NR1H4: variants seen among roughly 807,000 people sequenced by gnomAD.
NR1H4 encodes the protein nuclear receptor subfamily 1 group H member 4, also known as bile acid receptor.
Under a neutral mutation model 58.5 loss-of-function variants are expected in NR1H4, and 23 were observed. That is an observed-to-expected ratio of 0.39 (90% CI 0.28 to 0.56). The LOEUF (loss-of-function observed/expected upper bound fraction) is 0.56. Ranked by LOEUF, NR1H4 falls within the 20% of genes least tolerant of loss-of-function variation. The pLI is 0.58. For missense variants in NR1H4, 487 were observed against 576.9 expected (o/e 0.84, Z 1.60); for synonymous variants, 214 against 198.0 (o/e 1.08, Z -0.68).
chr12:100,518,788 CTTTTT>C (rs34055370), intron 4 of NR1H4, among the ~76,000 whole-genome samples: 328 of 119,260 alleles, frequency 2.8e-3, no homozygotes, highest in African/African-American at 9.9e-3. Flanking sequence ...TGACCAATGA[CTTTTT>C]TTTTTTTTTT....
chr12:100,539,558 G>A (rs947293235), intron 8 of NR1H4, among the ~76,000 whole-genome samples: 1 of 152,160 alleles, frequency 6.6e-6, no homozygotes, highest in Non-Finnish European at 1.5e-5. Flanking sequence ...CCCTGATGGT[G>A]TTATCTCTAT....
chr12:100,543,723 G>A (rs1283362566), intron 9 of NR1H4, among the ~76,000 whole-genome samples: 1 of 152,078 alleles, frequency 6.6e-6, no homozygotes, highest in African/African-American at 2.4e-5. Context: ...GCCAGCTACT[G>A]AAGTATCCTG....
intron 1 of NR1H4, among the ~76,000 whole-genome samples, chr12:100,482,247 A>G (rs1005742801): frequency 6.6e-6 from 1 of 152,144 alleles, no homozygotes; most frequent in Non-Finnish European, 1.5e-5. Context: ...CCATTCACTA[A>G]TTAGTCTACA....
chr12:100,535,140 A>G (rs917379319), intron 6 of NR1H4, 117 bp downstream of exon 6: 1 of 1,129,566 alleles, frequency 8.9e-7, no homozygotes, highest in African/African-American at 1.5e-5. Context: ...TTTCTAGTCC[A>G]ATTGTTCATT....
At chr12:100,553,365 A>G (rs904155220) in intron 9 of NR1H4, among the ~76,000 whole-genome samples, 14 of 152,224 alleles carry the variant, frequency 9.2e-5, no homozygotes, top group African/African-American at 2.2e-4. Context: ...ATGAATTGTG[A>G]TAAGTTGCAA....
At position 100,548,829 on chromosome 12, in the gene NR1H4, G is replaced by C. The variant is rs950540899; in HGVS notation, c.1078+8011G>C. On this transcript the variant is annotated intron_variant, in intron 9 of 10. Transcript: ENST00000392986. ...AATTTAAGTTAGAGGTTTGGCTGCT[G>C]TAACAGAGACAAAAAATAAAGAGTG... 2.6e-5 allele frequency among the ~76,000 whole-genome samples: 4 copies of C among 152,108 alleles called. 1 individual carries two copies. The highest frequency in any genetic ancestry group is 5.9e-5 in the Non-Finnish European group (4 of 68,008).
chr12:100,480,066 TG>T (rs1350413344), intron 1 of NR1H4, among the ~76,000 whole-genome samples: 3 of 152,242 alleles, frequency 2.0e-5, no homozygotes, highest in African/African-American at 7.2e-5. Flanking sequence ...CCCTCTAGAA[TG>T]TAAGCTCTTT....
intron 10 of NR1H4, 91 bp from the exon 11 acceptor site, chr12:100,563,160 C>T (rs1001961827): frequency 2.0e-6 from 2 of 996,264 alleles, no homozygotes; most frequent in African/African-American, 3.2e-5. Context: ...ATTTAACTTA[C>T]ACTTCAAAAT....
intron 1 of NR1H4, among the ~76,000 whole-genome samples, chr12:100,484,502 T>G (rs913856354): frequency 3.3e-5 from 5 of 152,188 alleles, no homozygotes; most frequent in Admixed American, 6.5e-5. Flanking sequence ...GGTCCTTAAA[T>G]GAAGACTTAG....
intron 3 of NR1H4, among the ~76,000 whole-genome samples, chr12:100,497,106 G>A (rs1229681562): frequency 1.3e-5 from 2 of 152,126 alleles, no homozygotes; most frequent in Non-Finnish European, 2.9e-5. Context: ...CCTGGTGTGG[G>A]GGAGGCCAGC....
chr12:100,541,086 A>G (rs570885706), intron 9 of NR1H4, among the ~76,000 whole-genome samples: 77 of 152,230 alleles, frequency 5.1e-4, no homozygotes, highest in Non-Finnish European at 9.3e-4. Context: ...AGATTGGAAA[A>G]TTCATCTGAT....
At chr12:100,511,879 A>G (rs2136162371) in intron 4 of NR1H4, among the ~76,000 whole-genome samples, 1 of 151,650 alleles carries the variant, frequency 6.6e-6, no homozygotes, top group South Asian at 2.1e-4. Context: ...CCAAGATCGC[A>G]CCATTGCACT....
chr12:100,526,813 T>A (rs1269824571), intron 4 of NR1H4, among the ~76,000 whole-genome samples: 1 of 152,160 alleles, frequency 6.6e-6, no homozygotes, highest in African/African-American at 2.4e-5. Flanking sequence ...CATTCCCAAT[T>A]CTACAAGCAT....
At position 100,563,752 on chromosome 12, in the gene NR1H4, A is replaced by C. The variant is rs1955525353; in HGVS notation, c.*263A>C. 1 of 451,254 alleles carries C rather than the reference A, an allele frequency of 2.2e-6. No individual in the cohort carries two copies. 28.0% of individuals were successfully genotyped at this position (451,254 alleles called of 1,614,324 possible). On this transcript the variant is annotated 3_prime_UTR_variant, in exon 11 of 11. Transcript: ENST00000392986. ...GCCTAATTAAATTGATTGTTACTTC[A>C]ATTCTATCTGTTGAACTAGGGAAAA...
intron 9 of NR1H4, among the ~76,000 whole-genome samples, chr12:100,547,942 G>A (rs577004229): frequency 8.6e-5 from 13 of 150,740 alleles, no homozygotes; most frequent in South Asian, 4.2e-4. Flanking sequence ...GGATGGTCTC[G>A]ATCTCCTGAC....
chr12:100,527,983 G>A (rs1954603919), intron 4 of NR1H4, among the ~76,000 whole-genome samples: 1 of 152,198 alleles, frequency 6.6e-6, no homozygotes, highest in African/African-American at 2.4e-5. Context: ...CAAAATAAGT[G>A]CTGTATAAGC....
chr12:100,561,738 G>A, intron 9 of NR1H4, 147 bp from the exon 10 acceptor site: 1 of 589,346 alleles, frequency 1.7e-6, no homozygotes, highest in Non-Finnish European at 3.0e-6. Context: ...TCCTTCCTTT[G>A]GACATATAAT....
At chr12:100,508,972 C>T (rs1019405002) in intron 3 of NR1H4, among the ~76,000 whole-genome samples, 8 of 152,118 alleles carry the variant, frequency 5.3e-5, no homozygotes, top group Non-Finnish European at 1.0e-4. Context: ...GGTTCTGTTC[C>T]AGACTGTGCT....
chr12:100,553,249 T>C (rs913264365), intron 9 of NR1H4, among the ~76,000 whole-genome samples: 2 of 152,092 alleles, frequency 1.3e-5, no homozygotes, highest in African/African-American at 2.4e-5. Context: ...CCGCCCGCCT[T>C]GGCCTCCCAA....
Sources: gnomAD v4.1 joint callset for allele counts (sites outside exome capture counted in the v4.1 genomes callset) on GRCh38, gnomAD v4.1.1 for gene constraint, MANE v1.5 for transcripts, NCBI Gene and HGNC (gene_info 2026-07-23, HGNC 2026-07-21) for gene names.